Variants in FAM193A observed in about 807,000 individuals in gnomAD.
FAM193A encodes the protein protein FAM193A.
Under a neutral mutation model 126.5 loss-of-function variants are expected in FAM193A, and 22 were observed. The ratio of observed to expected loss-of-function variants is 0.17; its 90% CI spans 0.12 to 0.25. The LOEUF (loss-of-function observed/expected upper bound fraction) is 0.25, where lower values mean the gene tolerates loss of function less well. Among genes scored for constraint, FAM193A ranks in the 10% least tolerant of loss-of-function variants. FAM193A has a pLI of 1.00. For synonymous variants in FAM193A, 761 were observed against 646.8 expected (o/e 1.18, Z -2.68); for missense variants, 1,675 against 1,672.8 (o/e 1.00, Z -0.02).
At chr4:2,646,923 G>T in intron 7 of FAM193A, 91 bp downstream of exon 7, 1 of 1,361,580 alleles carries the variant, frequency 7.3e-7, no homozygotes, top group Non-Finnish European at 9.8e-7. Context: ...GTCCTGAGCT[G>T]CAAGCCAGGA....
intron 2 of FAM193A, among the ~76,000 whole-genome samples, chr4:2,598,923 G>A (rs907417802): frequency 1.3e-5 from 2 of 152,184 alleles, no homozygotes; most frequent in Admixed American, 6.5e-5. Flanking sequence ...ACGGCCTTGG[G>A]GGCAGCTTTC....
chr4:2,629,992 C>CT (rs1047349626), intron 4 of FAM193A, among the ~76,000 whole-genome samples: 3 of 151,880 alleles, frequency 2.0e-5, no homozygotes, highest in African/African-American at 7.3e-5. Flanking sequence ...ATTAGCCGGG[C>CT]GTGGTGGCGG....
chr4:2,646,539 C>T (rs1273599483), intron 6 of FAM193A, 146 bp from the exon 7 acceptor site: 2 of 777,394 alleles, frequency 2.6e-6, no homozygotes, highest in East Asian at 2.7e-5. Flanking sequence ...CTCACAGCTC[C>T]CTGCTGTGGT....
chr4:2,605,720 C>T (rs1023878766), intron 2 of FAM193A, among the ~76,000 whole-genome samples: 11 of 152,056 alleles, frequency 7.2e-5, no homozygotes, highest in African/African-American at 2.4e-4. Context: ...GCCTGTAATC[C>T]CAGCACTTTG....
At chr4:2,660,364 C>T (rs1276422264) in intron 10 of FAM193A, among the ~76,000 whole-genome samples, 4 of 152,136 alleles carry the variant, frequency 2.6e-5, no homozygotes, top group South Asian at 2.1e-4. Context: ...GTGACCAGTC[C>T]GCCGTCTGTC....
At chr4:2,677,741 C>CAA (rs36047465) in intron 13 of FAM193A, among the ~76,000 whole-genome samples, 1,505 of 89,384 alleles carry the variant, frequency 0.017, 33 homozygotes, top group African/African-American at 0.049. Flanking sequence ...AACACTGTCT[C>CAA]AAAAAAAAAA....
chr4:2,556,751 C>T (rs941598265), intron 1 of FAM193A, among the ~76,000 whole-genome samples: 1 of 152,142 alleles, frequency 6.6e-6, no homozygotes, highest in Non-Finnish European at 1.5e-5. Context: ...GACAGAATTA[C>T]TGCTTGTTGT....
Position 2,693,966 on chromosome 4 carries a change from T to C in FAM193A, c.3092+92T>C, listed in dbSNP as rs530061610. ...AGCTACAGAAACTCCCCTGGGACCA[T>C]GCAGTGGAAAAGTCTAGTGAAATGC... On this transcript the variant is annotated intron_variant, in intron 16 of 20. Transcript: ENST00000637812. 7.7e-5 allele frequency: 104 copies of C among 1,345,478 alleles called. No homozygotes were observed. In the African/African-American group the frequency reaches 1.5e-3, roughly 19 times the overall value. 83.3% of individuals were successfully genotyped at this position (1,345,478 alleles called of 1,614,324 possible). A position where few individuals can be genotyped will look rare whatever the true frequency, so the allele number is the denominator to read the frequency against.
At chr4:2,544,905 T>A (rs889325700) in intron 1 of FAM193A, among the ~76,000 whole-genome samples, 1 of 152,042 alleles carries the variant, frequency 6.6e-6, no homozygotes, top group African/African-American at 2.4e-5. Flanking sequence ...ATAGAACAAT[T>A]TTCCGGATGT....
At chr4:2,697,880 G>A (rs2298964) in intron 18 of FAM193A, among the ~76,000 whole-genome samples, 1 of 152,074 alleles carries the variant, frequency 6.6e-6, no homozygotes, top group East Asian at 1.9e-4. Flanking sequence ...GCCCTGAGAC[G>A]TCCCATTGGG....
chr4:2,648,725 G>A (rs1577133520), intron 7 of FAM193A, among the ~76,000 whole-genome samples: 1 of 152,358 alleles, frequency 6.6e-6, no homozygotes, highest in African/African-American at 2.4e-5. Flanking sequence ...TCTGCCATCT[G>A]TGGGTGCACC....
intron 10 of FAM193A, among the ~76,000 whole-genome samples, chr4:2,662,441 C>T (rs1712569428): frequency 6.6e-6 from 1 of 152,186 alleles, no homozygotes; most frequent in Non-Finnish European, 1.5e-5. Context: ...CACTAAACAC[C>T]TAAGGTTGCC....
chr4:2,606,181 G>C (rs1242750928), intron 2 of FAM193A, among the ~76,000 whole-genome samples: 1 of 146,446 alleles, frequency 6.8e-6, no homozygotes, highest in Admixed American at 7.1e-5. Context: ...CTCCCATGTT[G>C]CTGGGATTAC....
At chr4:2,617,250 A>T (rs1577079606) in intron 2 of FAM193A, among the ~76,000 whole-genome samples, 1 of 42,708 alleles carries the variant, frequency 2.3e-5, no homozygotes, top group Non-Finnish European at 4.2e-5. Flanking sequence ...TTATATATAT[A>T]TATATATATA....
chr4:2,583,265 C>T lies in FAM193A; in HGVS notation c.256-12819C>T, dbSNP rs572707256. Among the ~76,000 whole-genome samples, 19 of 152,354 alleles carry T rather than the reference C, an allele frequency of 1.2e-4. 1 individual carries two copies. Among genetic ancestry groups the T allele is most frequent in the Non-Finnish European group, 2.2e-4 (15 of 68,036 alleles). ...CTGGGATCATAGGCGTGAGCCACTG[C>T]GCCCGGCCAAGTCTCAGTTTTAGAC... On this transcript the variant is annotated intron_variant, in intron 1 of 20. Coordinates refer to ENST00000637812, the MANE Select transcript of FAM193A (RefSeq NM_001366318.2).
rs112947251 is a variant in FAM193A at position 2,650,440 on chromosome 4, C to T, written c.1311+3608C>T. On this transcript the variant is annotated intron_variant, in intron 7 of 20. Transcript: ENST00000637812. ...AAGGCGAGGGGCCGGCTTTCCTGCC[C>T]GGCTCACTCTCGTCACCGGGGCTCA... is the stretch of plus-strand genomic sequence containing the variant. Among the ~76,000 whole-genome samples the T allele has an allele frequency of 3.5e-3, 529 of 152,290 alleles. 1 individual carries two copies. Among genetic ancestry groups the T allele is most frequent in the African/African-American group, 0.012 (505 of 41,544 alleles).
At chr4:2,593,666 C>T (rs965873598) in intron 1 of FAM193A, among the ~76,000 whole-genome samples, 3 of 152,066 alleles carry the variant, frequency 2.0e-5, no homozygotes, top group East Asian at 1.9e-4. Flanking sequence ...CTGAGCTGTG[C>T]GCTCTCTGGT....
chr4:2,657,738 C>G (rs117129037), intron 7 of FAM193A, 65 bp from the exon 8 acceptor site: 2 of 1,005,082 alleles, frequency 2.0e-6, no homozygotes, highest in Admixed American at 4.4e-5. Flanking sequence ...TTGAAAATGT[C>G]TTGTATAATT....
chr4:2,684,110 T>C (rs1715457598), intron 13 of FAM193A, among the ~76,000 whole-genome samples: 2 of 152,246 alleles, frequency 1.3e-5, no homozygotes, highest in Admixed American at 1.3e-4. Flanking sequence ...CAATTTCCTG[T>C]ATGATAATTG....
Sources: gnomAD v4.1 joint callset for allele counts (sites outside exome capture counted in the v4.1 genomes callset) on GRCh38, gnomAD v4.1.1 for gene constraint, MANE v1.5 for transcripts, NCBI Gene and HGNC (gene_info 2026-07-23, HGNC 2026-07-21) for gene names.